STK32A: variants seen among roughly 807,000 people sequenced by gnomAD.
STK32A encodes serine/threonine-protein kinase 32A.
Under a neutral mutation model 53.2 loss-of-function variants are expected in STK32A, and 41 were observed. The observed-to-expected ratio is 0.77, with a 90% CI of 0.60 to 1.00. The LOEUF is 1.00. Among genes scored for constraint, STK32A ranks in the 50% least tolerant of loss-of-function variants. The pLI is 0.00. For synonymous variants in STK32A, 166 were observed against 162.8 expected (o/e 1.02, Z -0.15); for missense variants, 458 against 485.8 (o/e 0.94, Z 0.54).
In STK32A at chr5:147,386,659, T is replaced by C. The variant is rs1361728006; in HGVS notation, c.*2676T>C. Reference sequence around the variant, plus strand: ...TGTGACTGAAGCACCTCTGTGGGCTTTTGGGAACCATGGATGCACAGATGA... The same window carrying C: ...TGTGACTGAAGCACCTCTGTGGGCTCTTGGGAACCATGGATGCACAGATGA... On this transcript the variant is annotated 3_prime_UTR_variant, in exon 13 of 13. Coordinates refer to ENST00000397936, the MANE Select transcript of STK32A (RefSeq NM_001112724.2). 6.6e-6 allele frequency: 1 copy of C among 152,186 alleles called. No homozygotes were observed. Among genetic ancestry groups the C allele is most frequent in the African/African-American group, 2.4e-5 (1 of 41,450 alleles). 9.4% of individuals were successfully genotyped at this position (152,186 alleles called of 1,614,324 possible). A position where few individuals can be genotyped will look rare whatever the true frequency, so the allele number is the denominator to read the frequency against.
chr5:147,284,734 T>C (rs1752249504), intron 4 of STK32A, among the ~76,000 whole-genome samples: 1 of 147,074 alleles, frequency 6.8e-6, no homozygotes, highest in Non-Finnish European at 1.5e-5. Flanking sequence ...CTTAGGAATA[T>C]ACTTAACCAA....
At chr5:147,346,300 C>G (rs1224057462) in intron 6 of STK32A, among the ~76,000 whole-genome samples, 1 of 152,150 alleles carries the variant, frequency 6.6e-6, no homozygotes, top group African/African-American at 2.4e-5. Context: ...TGGGCTGTCG[C>G]TTGGGCCTCA....
At chr5:147,250,339 C>T (rs112735979) in intron 2 of STK32A, among the ~76,000 whole-genome samples, 85 of 152,122 alleles carry the variant, frequency 5.6e-4, no homozygotes, top group Admixed American at 2.3e-3. Flanking sequence ...ATTAATTCTA[C>T]GGGGATGGCT....
chr5:147,291,022 G>C (rs1561697377), intron 4 of STK32A, among the ~76,000 whole-genome samples: 1 of 152,010 alleles, frequency 6.6e-6, no homozygotes, highest in African/African-American at 2.4e-5. Context: ...AAAGATAATG[G>C]GTGAGGCAGC....
chr5:147,393,909 T>C, the STK32A span: 1 of 932,404 alleles, frequency 1.1e-6, no homozygotes, highest in Non-Finnish European at 1.7e-6. Flanking sequence ...AACATAAGGC[T>C]TGAGGCTTAT....
intron 6 of STK32A, among the ~76,000 whole-genome samples, chr5:147,344,617 A>G (rs929420838): frequency 6.6e-6 from 1 of 152,106 alleles, no homozygotes; most frequent in Non-Finnish European, 1.5e-5. Context: ...TTGTTGGGGG[A>G]AAAACAATTA....
intron 2 of STK32A, among the ~76,000 whole-genome samples, chr5:147,245,045 C>T (rs1322121468): frequency 6.6e-6 from 1 of 152,136 alleles, no homozygotes; most frequent in Admixed American, 6.5e-5. Flanking sequence ...AACAGAACGG[C>T]AGATTTTATG....
At chr5:147,349,106 G>T (rs1291188472) in intron 6 of STK32A, among the ~76,000 whole-genome samples, 2 of 152,122 alleles carry the variant, frequency 1.3e-5, no homozygotes, top group African/African-American at 4.8e-5. Context: ...AAGAGAAAAA[G>T]AAAAAACAGA....
At chr5:147,334,923 T>A (rs11748615) in intron 5 of STK32A, among the ~76,000 whole-genome samples, 20,320 of 152,244 alleles carry the variant, frequency 0.13, 1,573 homozygotes, top group East Asian at 0.28. Context: ...GATACCTGAA[T>A]ACGCAGATAT....
intron 4 of STK32A, among the ~76,000 whole-genome samples, chr5:147,306,199 G>C (rs1014841096): frequency 2.6e-5 from 4 of 151,846 alleles, no homozygotes; most frequent in Admixed American, 2.6e-4. Flanking sequence ...TTTTTCTGGT[G>C]ACTTATGAGT....
intron 5 of STK32A, among the ~76,000 whole-genome samples, chr5:147,337,394 A>T (rs1755188191): frequency 6.6e-6 from 1 of 152,200 alleles, no homozygotes; most frequent in African/African-American, 2.4e-5. Flanking sequence ...CTTACTGGAA[A>T]GTCAAGTTTC....
At chr5:147,279,914 A>G (rs922737749) in intron 4 of STK32A, among the ~76,000 whole-genome samples, 2 of 152,194 alleles carry the variant, frequency 1.3e-5, no homozygotes, top group African/African-American at 2.4e-5. Flanking sequence ...TGCAGGACCC[A>G]GGCAACTCCC....
At chr5:147,388,013 A>T (rs1757717702), downstream of STK32A, among the ~76,000 whole-genome samples, 1 of 152,296 alleles carries the variant, frequency 6.6e-6, no homozygotes, top group Non-Finnish European at 1.5e-5. Context: ...TGTGACAGAG[A>T]TGATGTTCTG....
the STK32A span, among the ~76,000 whole-genome samples, chr5:147,398,628 G>T: frequency 1.6e-4 from 24 of 152,262 alleles, no homozygotes; most frequent in African/African-American, 5.8e-4. Context: ...AGTCATCACT[G>T]CTGTTTACCA....
intron 2 of STK32A, among the ~76,000 whole-genome samples, chr5:147,272,600 C>A (rs747944029): frequency 6.7e-6 from 1 of 150,214 alleles, no homozygotes; most frequent in Non-Finnish European, 1.5e-5. Context: ...TACATATATG[C>A]AGAGAGAATC....
At position 147,306,743 on chromosome 5, in the gene STK32A, T is replaced by C. The variant is rs376422324; in HGVS notation, c.261-17155T>C. Among the ~76,000 whole-genome samples, 9 of 152,272 alleles carry C rather than the reference T, an allele frequency of 5.9e-5. No homozygotes were observed. The South Asian group carries it at 8.3e-4, about 14-fold the overall frequency. On this transcript the variant is annotated intron_variant, in intron 4 of 12. Transcript: ENST00000397936. ...GAAGTAGTGAATTATCTAAGATGTT[T>C]GAATGACTTAACATAAATATTTCTA...
rs1751920895 is a variant in STK32A at position 147,279,279 on chromosome 5, G to T, written c.141G>T (p.Lys47Asn). ...TTGTACAGAAGAATGATACCAAGAA[G>T]ATGTACGCAATGAAGTACATGAATA... ...VCIVQKNDTK[K>N]MYAMKYMNKQ... is the part of the protein sequence containing the mutation. Residue 47 changes from lysine to asparagine, a missense_variant, in exon 4 of 13, where the codon AAG (lysine) becomes AAT (asparagine). Coordinates refer to ENST00000397936, the MANE Select transcript of STK32A (RefSeq NM_001112724.2). 1.9e-6 allele frequency: 3 copies of T among 1,613,804 alleles called. No individual in the cohort carries two copies. Among genetic ancestry groups the T allele is most frequent in the African/African-American group, 2.7e-5 (2 of 74,936 alleles).
rs1561740555 is a variant in STK32A at position 147,351,174 on chromosome 5, C to A, written c.562+20C>A. 4.1e-6 allele frequency: 6 copies of A among 1,463,530 alleles called. No individual in the cohort carries two copies. Among genetic ancestry groups the A allele is most frequent in the Non-Finnish European group, 5.6e-6 (6 of 1,072,232 alleles). 90.7% of individuals were successfully genotyped at this position (1,463,530 alleles called of 1,614,324 possible). On this transcript the variant is annotated intron_variant, in intron 7 of 12. Transcript: ENST00000397936. ...ACATGGGTATGGGTTTCATGAGTGT[C>A]TTTTTTTTTTCTTTCCTGTAAATAC...
chr5:147,275,870 T>C (rs959373536), intron 2 of STK32A, among the ~76,000 whole-genome samples: 53 of 152,304 alleles, frequency 3.5e-4, no homozygotes, highest in Admixed American at 2.4e-3. Flanking sequence ...TGTAATCCTG[T>C]ATCATTTTCA....
Sources: gnomAD v4.1 joint callset for allele counts (sites outside exome capture counted in the v4.1 genomes callset) on GRCh38, gnomAD v4.1.1 for gene constraint, MANE v1.5 for transcripts, NCBI Gene and HGNC (gene_info 2026-07-23, HGNC 2026-07-21) for gene names.